The following LNPK variants were observed in gnomAD, a reference collection of about 807,000 sequenced individuals.
LNPK encodes endoplasmic reticulum junction formation protein lunapark.
A neutral mutation model predicts 55.2 loss-of-function variants in LNPK; 29 were observed. The observed-to-expected ratio is 0.53, with a 90% CI of 0.39 to 0.72. The LOEUF (loss-of-function observed/expected upper bound fraction) is 0.72. Ranked by LOEUF, LNPK falls within the 30% of genes least tolerant of loss-of-function variation. The pLI, the probability that LNPK is intolerant of heterozygous loss-of-function variation, is 0.00. For synonymous variants in LNPK, 162 were observed against 168.2 expected (o/e 0.96, Z 0.29); for missense variants, 467 against 494.8 (o/e 0.94, Z 0.53).
chr2:175,949,579 C>A (rs1685303947), intron 8 of LNPK, among the ~76,000 whole-genome samples: 1 of 152,058 alleles, frequency 6.6e-6, no homozygotes, highest in African/African-American at 2.4e-5. Flanking sequence ...CTTGAGACTA[C>A]TTCCTCTAAA....
At chr2:175,946,109 CAT>C (rs1685110051) in intron 9 of LNPK, among the ~76,000 whole-genome samples, 1 of 152,136 alleles carries the variant, frequency 6.6e-6, no homozygotes, top group African/African-American at 2.4e-5. Context: ...TTCAGTAAAA[CAT>C]GTTATATTTA....
intron 1 of LNPK, 88 bp from the exon 2 acceptor site, chr2:175,995,734 G>T: frequency 6.0e-6 from 2 of 333,822 alleles, no homozygotes; most frequent in Admixed American, 4.6e-5. Flanking sequence ...AAAATGTTAT[G>T]AAATATTAAT....
intron 12 of LNPK, among the ~76,000 whole-genome samples, chr2:175,930,467 A>C (rs1168153502): frequency 6.6e-6 from 1 of 151,718 alleles, no homozygotes; most frequent in African/African-American, 2.4e-5. Flanking sequence ...CCATATTTTC[A>C]TACAAAATAA....
intron 12 of LNPK, among the ~76,000 whole-genome samples, chr2:175,931,468 A>T (rs1684277830): frequency 6.6e-6 from 1 of 152,226 alleles, no homozygotes; most frequent in African/African-American, 2.4e-5. Flanking sequence ...CTTTAAAAAT[A>T]TTTAAAAAGA....
intron 2 of LNPK, among the ~76,000 whole-genome samples, chr2:175,993,774 C>T (rs955414551): frequency 1.6e-4 from 24 of 151,702 alleles, no homozygotes; most frequent in African/African-American, 5.8e-4. Context: ...GCCTGGGTGA[C>T]AGAGCAAGAC....
Position 175,930,150 on chromosome 2 carries a change from G to C in LNPK, c.1104C>G (p.Asp368Glu), listed in dbSNP as rs1684198121. Residue 368 changes from aspartate (D) to glutamate (E), a missense_variant, in exon 13 of 13, where the codon GAC (aspartate) becomes GAG (glutamate). By Grantham distance (45) the Asp-to-Glu change is conservative. Coordinates refer to ENST00000272748, the MANE Select transcript of LNPK (RefSeq NM_030650.3). ...TTGTCTGTTCTGTAGCTGGTATTTTGTCATCTGTCTGCTCTGTATTATCAT... is the reference window on the plus strand; with the variant it reads ...TTGTCTGTTCTGTAGCTGGTATTTTCTCATCTGTCTGCTCTGTATTATCAT... The part of the protein sequence containing the change: ...VLDDNTEQTD[D>E]KIPATEQTNQ... The C allele has an allele frequency of 6.2e-7, 1 of 1,612,874 alleles. No homozygotes were observed. The highest frequency in any genetic ancestry group is 8.5e-7 in the Non-Finnish European group (1 of 1,179,122).
rs1275066817 is a variant in LNPK at position 175,979,867 on chromosome 2, T to C, written c.259A>G (p.Ile87Val). The change falls in exon 5 of 13, where the codon ATC becomes GTC. Residue 87 changes from isoleucine (I) to valine (V), a missense_variant and splice_region_variant. By Grantham distance (29) the Ile-to-Val change is conservative. Coordinates refer to ENST00000272748, the MANE Select transcript of LNPK (RefSeq NM_030650.3). The part of the protein sequence containing the change: ...TLPFFAFPLI[I>V]WSIRTVIIFF... ...ATAATTACTGTTCTTATGCTCCAGA[T>C]GCTAAAAGGGAAGCAAAATTCAGAA... 1.3e-6 allele frequency: 2 copies of C among 1,574,064 alleles called. No homozygotes were observed. Among genetic ancestry groups the C allele is most frequent in the Non-Finnish European group, 1.7e-6 (2 of 1,163,322 alleles).
In LNPK at chr2:175,925,681, T is replaced by TTTTTA. The variant is rs1683982529; in HGVS notation, c.*4285_*4286insTAAAA. ...ATTTTCTTTCTTTCTTTTTTTTTTTTGAGATGGAGTTTCACTCTTGTTGCC... is the reference window on the plus strand; with the variant it reads ...ATTTTCTTTCTTTCTTTTTTTTTTTTTTTTAGAGATGGAGTTTCACTCTTGTTGCC... On this transcript the variant is annotated 3_prime_UTR_variant, in exon 13 of 13. Transcript: ENST00000272748. 1 of 155,334 alleles carries TTTTTA rather than the reference T, an allele frequency of 6.4e-6. No homozygotes were observed. The highest frequency in any genetic ancestry group is 1.4e-5 in the Non-Finnish European group (1 of 71,172). 9.6% of individuals were successfully genotyped at this position (155,334 alleles called of 1,614,324 possible).
At position 175,946,304 on chromosome 2, in the gene LNPK, T is replaced by A. The variant is rs190154172; in HGVS notation, c.706+1176A>T. ...TCATTAAACAACCAGGAATTTTAAT[T>A]TACAAATCATGGGTATCTCAAATCA... On this transcript the variant is annotated intron_variant, in intron 9 of 12. Coordinates refer to ENST00000272748, the MANE Select transcript of LNPK (RefSeq NM_030650.3). 6.8e-4 allele frequency among the ~76,000 whole-genome samples: 103 copies of A among 152,252 alleles called. 5 individuals carry two copies. Among genetic ancestry groups the A allele is most frequent in the Admixed American group, 5.6e-3 (85 of 15,290 alleles).
intron 5 of LNPK, among the ~76,000 whole-genome samples, chr2:175,971,743 C>A (rs1385036032): frequency 1.3e-5 from 2 of 152,064 alleles, no homozygotes; most frequent in African/African-American, 4.8e-5. Flanking sequence ...AATGTGATAG[C>A]TAACTTGTTA....
chr2:175,950,006 A>G (rs1375156151), intron 8 of LNPK, among the ~76,000 whole-genome samples: 1 of 152,124 alleles, frequency 6.6e-6, no homozygotes, highest in Non-Finnish European at 1.5e-5. Flanking sequence ...CATATTAGAT[A>G]TGTTCAACAT....
intron 4 of LNPK, among the ~76,000 whole-genome samples, chr2:175,981,339 A>G (rs1197946462): frequency 6.6e-6 from 1 of 152,224 alleles, no homozygotes; most frequent in African/African-American, 2.4e-5. Context: ...AGGTCCATGC[A>G]GTGAGGAAGA....
intron 2 of LNPK, among the ~76,000 whole-genome samples, chr2:175,995,264 A>G (rs1687879198): frequency 6.6e-6 from 1 of 152,162 alleles, no homozygotes; most frequent in African/African-American, 2.4e-5. Context: ...CTTGAAACTT[A>G]GGAAGTATAA....
At chr2:175,936,700 C>T (rs1404498698) in intron 12 of LNPK, among the ~76,000 whole-genome samples, 1 of 152,074 alleles carries the variant, frequency 6.6e-6, no homozygotes, top group Non-Finnish European at 1.5e-5. Context: ...GAAACTTCCT[C>T]AAGAATTCCT....
chr2:175,948,633 T>G (rs1255726502), intron 8 of LNPK, among the ~76,000 whole-genome samples: 1 of 152,250 alleles, frequency 6.6e-6, no homozygotes, highest in East Asian at 1.9e-4. Context: ...ACTTTTTCAA[T>G]TCTACCTATC....
chr2:175,969,167 TAATA>T (rs1193894643), intron 6 of LNPK, among the ~76,000 whole-genome samples: 1 of 152,218 alleles, frequency 6.6e-6, no homozygotes, highest in African/African-American at 2.4e-5. Flanking sequence ...TGTGTTTAAT[TAATA>T]AAGTGAATTA....
intron 4 of LNPK, among the ~76,000 whole-genome samples, chr2:175,981,420 A>G (rs1402030181): frequency 2.0e-5 from 3 of 152,326 alleles, no homozygotes; most frequent in African/African-American, 7.2e-5. Context: ...TTAGGAGTAG[A>G]TTAGGGAAAA....
Position 175,930,051 on chromosome 2 carries a change from T to C in LNPK, c.1203A>G (p.Ser401=), listed in dbSNP as rs759103499. ...GAACTGTGGAGTTGGTTTCAATCAC[T>C]GAGGCTTCCTCATTCTCAGTCTCTT... The part of the protein sequence containing the change: ...EKQETENEEA[S]VIETNSTVPG... The change falls in exon 13 of 13, where the codon TCA becomes TCG. Residue 401 remains serine (S), a synonymous_variant. Transcript: ENST00000272748. 72 of 1,614,008 alleles carry C rather than the reference T, an allele frequency of 4.5e-5. No individual in the cohort carries two copies. In the Admixed American group the frequency reaches 1.1e-3, roughly 25 times the overall value.
intron 8 of LNPK, among the ~76,000 whole-genome samples, chr2:175,953,848 G>T (rs928314407): frequency 3.3e-5 from 5 of 150,644 alleles, no homozygotes; most frequent in Non-Finnish European, 7.4e-5. Context: ...GACTTTATAT[G>T]TTGTGTATAA....
Sources: gnomAD v4.1 joint callset for allele counts (sites outside exome capture counted in the v4.1 genomes callset) on GRCh38, gnomAD v4.1.1 for gene constraint, MANE v1.5 for transcripts, NCBI Gene and HGNC (gene_info 2026-07-23, HGNC 2026-07-21) for gene names.